Variants in METTL25 observed in about 807,000 individuals in gnomAD.
The protein encoded by METTL25 is probable methyltransferase-like protein 25.
In METTL25, 64 loss-of-function variants were observed where a neutral mutation model predicts 71.6. That is an observed-to-expected ratio of 0.89 (90% CI 0.73 to 1.10). METTL25 has a LOEUF of 1.10. Ranked by LOEUF, METTL25 falls within the 50% of genes least tolerant of loss-of-function variation. The probability of loss-of-function intolerance (pLI) is 0.00; values close to 1 mark genes in which losing one functional copy is unlikely to be tolerated. For missense variants in METTL25, 807 were observed against 707.0 expected (o/e 1.14, Z -1.60); for synonymous variants, 287 against 250.3 (o/e 1.15, Z -1.38).
chr12:82,376,853 C>T lies in METTL25; in HGVS notation c.260-9950C>T, dbSNP rs868328368. ...TTTATTGGCCGGGCGCTGTGGCTCA[C>T]ACCTGTAATCCCAGCACTTTGGGAG... On this transcript the variant is annotated intron_variant, in intron 1 of 11. Coordinates refer to ENST00000248306, the MANE Select transcript of METTL25 (RefSeq NM_032230.3). Among the ~76,000 whole-genome samples the T allele has an allele frequency of 5.9e-5, 9 of 152,284 alleles. 1 individual carries two copies. The Middle Eastern group carries it at 0.01, about 173-fold the overall frequency.
chr12:82,444,491 A>G (rs1300443820), intron 8 of METTL25, among the ~76,000 whole-genome samples: 1 of 152,216 alleles, frequency 6.6e-6, no homozygotes, highest in East Asian at 1.9e-4. Flanking sequence ...GTAAGTACAC[A>G]GACAAAATTC....
At chr12:82,436,647 A>AT (rs1214097108) in intron 7 of METTL25, among the ~76,000 whole-genome samples, 2 of 151,428 alleles carry the variant, frequency 1.3e-5, no homozygotes, top group African/African-American at 2.4e-5. Context: ...CTGTGCATTC[A>AT]TTTTTTTATG....
At chr12:82,370,298 A>G (rs1413492746) in intron 1 of METTL25, among the ~76,000 whole-genome samples, 5 of 152,200 alleles carry the variant, frequency 3.3e-5, no homozygotes, top group African/African-American at 9.7e-5. Flanking sequence ...TAGAGGAAAC[A>G]GATTTGACAA....
intron 3 of METTL25, among the ~76,000 whole-genome samples, chr12:82,392,590 C>CG (rs1032348737): frequency 1.3e-5 from 2 of 152,108 alleles, no homozygotes. Context: ...TCTCTTCACT[C>CG]TGATTGTTTA....
At chr12:82,478,199 A>G (rs1892989425) in intron 11 of METTL25, among the ~76,000 whole-genome samples, 1 of 151,794 alleles carries the variant, frequency 6.6e-6, no homozygotes, top group Non-Finnish European at 1.5e-5. Flanking sequence ...ATCAGTACCT[A>G]TTTTACTAGA....
At chr12:82,398,696 T>A (rs1886300415) in intron 3 of METTL25, 99 bp from the exon 4 acceptor site, 1 of 684,402 alleles carries the variant, frequency 1.5e-6, no homozygotes. Context: ...AAATAATATT[T>A]AAGTTATATA....
chr12:82,420,690 A>T (rs1013114798), intron 5 of METTL25, among the ~76,000 whole-genome samples: 1 of 152,190 alleles, frequency 6.6e-6, no homozygotes, highest in Non-Finnish European at 1.5e-5. Context: ...AAGTCGAAAC[A>T]GCAAATGAAG....
chr12:82,456,435 ACTTTT>A (rs1344059319), intron 8 of METTL25, among the ~76,000 whole-genome samples: 1 of 151,970 alleles, frequency 6.6e-6, no homozygotes, highest in East Asian at 1.9e-4. Context: ...CACAATGGAA[ACTTTT>A]GAAAGACCAA....
At chr12:82,399,906 A>G (rs1735293795) in intron 4 of METTL25, among the ~76,000 whole-genome samples, 1 of 151,400 alleles carries the variant, frequency 6.6e-6, no homozygotes, top group Non-Finnish European at 1.5e-5. Context: ...AAACAGTATT[A>G]TAGAGGAGAT....
At chr12:82,431,241 C>T (rs924040142) in intron 6 of METTL25, among the ~76,000 whole-genome samples, 5 of 151,260 alleles carry the variant, frequency 3.3e-5, no homozygotes, top group East Asian at 1.9e-4. Flanking sequence ...CTTTATCCAA[C>T]GCTCTGTGGT....
chr12:82,471,222 A>G (rs1892550974), intron 9 of METTL25, among the ~76,000 whole-genome samples: 1 of 152,218 alleles, frequency 6.6e-6, no homozygotes, highest in Admixed American at 6.5e-5. Flanking sequence ...TTGAAATTAA[A>G]GCTCAGATTT....
intron 5 of METTL25, among the ~76,000 whole-genome samples, chr12:82,421,258 C>A (rs1888460587): frequency 6.6e-6 from 1 of 152,082 alleles, no homozygotes; most frequent in Non-Finnish European, 1.5e-5. Flanking sequence ...AATCAAAAGA[C>A]TGTTGTACCA....
chr12:82,396,396 A>G (rs1886088776), intron 3 of METTL25, among the ~76,000 whole-genome samples: 1 of 152,088 alleles, frequency 6.6e-6, no homozygotes, highest in South Asian at 2.1e-4. Flanking sequence ...TCTCATTGTA[A>G]GACCTTGAAA....
chr12:82,442,352 A>C (rs1239112319), intron 8 of METTL25, among the ~76,000 whole-genome samples: 2 of 152,206 alleles, frequency 1.3e-5, no homozygotes, highest in African/African-American at 4.8e-5. Context: ...GTGAGTGAGT[A>C]TTTAAGCAAA....
chr12:82,476,605 A>C, intron 9 of METTL25, 39 bp from the exon 10 acceptor site: 1 of 1,310,064 alleles, frequency 7.6e-7, no homozygotes, highest in Non-Finnish European at 1.1e-6. Context: ...AAATATTTTT[A>C]AACTATCGTT....
Position 82,403,230 on chromosome 12 carries a change from A to T in METTL25, c.1279+100A>T, listed in dbSNP as rs1592661904. ...TCCCCGTTTTTTCGTCATTACCATG[A>T]TTTGGATCAGCATTTAAGATAACAT... On this transcript the variant is annotated intron_variant, in intron 5 of 11. Transcript: ENST00000248306. 6 of 1,174,620 alleles carry T rather than the reference A, an allele frequency of 5.1e-6. No homozygotes were observed. In the Admixed American group the frequency reaches 1.4e-4, roughly 28 times the overall value. The allele number at this position is 1,174,620 out of a possible 1,614,324, so 72.8% of individuals were successfully genotyped here. A position where few individuals can be genotyped will look rare whatever the true frequency, so the allele number is the denominator to read the frequency against.
chr12:82,377,684 G>A (rs1012963462), intron 1 of METTL25, among the ~76,000 whole-genome samples: 3 of 152,100 alleles, frequency 2.0e-5, no homozygotes, highest in African/African-American at 7.2e-5. Flanking sequence ...CTAGAATCAA[G>A]AGAAAAAACA....
At chr12:82,424,063 G>A (rs1888764629) in intron 5 of METTL25, among the ~76,000 whole-genome samples, 1 of 152,086 alleles carries the variant, frequency 6.6e-6, no homozygotes, top group Admixed American at 6.6e-5. Flanking sequence ...TATAAATCAT[G>A]CTGCTATAAA....
intron 1 of METTL25, among the ~76,000 whole-genome samples, chr12:82,362,019 C>T (rs147226964): frequency 6.6e-6 from 1 of 152,274 alleles, no homozygotes; most frequent in Admixed American, 6.5e-5. Flanking sequence ...AACATAATTC[C>T]CAGAGCGCAA....
Sources: gnomAD v4.1 joint callset for allele counts (sites outside exome capture counted in the v4.1 genomes callset) on GRCh38, gnomAD v4.1.1 for gene constraint, MANE v1.5 for transcripts, NCBI Gene and HGNC (gene_info 2026-07-23, HGNC 2026-07-21) for gene names.